The following PCDHGA4 variants were observed in gnomAD, a reference collection of about 807,000 sequenced individuals.
PCDHGA4 encodes protocadherin gamma subfamily A, 4, also known as protocadherin gamma-A4.
PCDHGA4 carries 38 observed loss-of-function variants against 54.6 expected under a neutral mutation model. The observed-to-expected ratio is 0.70, with a 90% CI of 0.54 to 0.91. The LOEUF is 0.91. PCDHGA4 is among the 40% of genes least tolerant of loss of function. The pLI is 0.00. For synonymous variants in PCDHGA4, 511 were observed against 512.9 expected, an observed-to-expected ratio of 1.00 and a Z score of 0.05; for missense variants, 1,298 against 1,220.9, an observed-to-expected ratio of 1.06 and a Z score of -0.94.
intron 1 of PCDHGA4, among the ~76,000 whole-genome samples, chr5:141,461,415 T>C (rs2099015091): frequency 6.6e-6 from 1 of 152,152 alleles, no homozygotes; most frequent in Non-Finnish European, 1.5e-5. Flanking sequence ...TTTCATATGT[T>C]TGTGGGCCAT....
chr5:141,474,486 C>G (rs531956129), intron 1 of PCDHGA4, among the ~76,000 whole-genome samples: 11 of 152,326 alleles, frequency 7.2e-5, no homozygotes, highest in African/African-American at 2.4e-4. Context: ...TAAATGTATT[C>G]TATCTTCTAA....
chr5:141,369,897 C>G (rs988616109), intron 1 of PCDHGA4, among the ~76,000 whole-genome samples: 1 of 152,098 alleles, frequency 6.6e-6, no homozygotes, highest in Non-Finnish European at 1.5e-5. Context: ...ATTATTATGA[C>G]CATTTTATGA....
chr5:141,384,922 C>A (rs760972840), intron 1 of PCDHGA4: 1 of 1,614,018 alleles, frequency 6.2e-7, no homozygotes, highest in African/African-American at 1.3e-5. Context: ...CTTGGCCGAC[C>A]TGGGCAGCCT....
intron 1 of PCDHGA4, among the ~76,000 whole-genome samples, chr5:141,464,286 A>AT (rs1453289283): frequency 6.6e-6 from 1 of 151,420 alleles, no homozygotes; most frequent in African/African-American, 2.4e-5. Flanking sequence ...AAGCAAAAAA[A>AT]AAAACTCCAT....
chr5:141,399,755 G>C (rs1420211451), intron 1 of PCDHGA4: 1 of 1,613,232 alleles, frequency 6.2e-7, no homozygotes, highest in Non-Finnish European at 8.5e-7. Context: ...GCAAACGTGA[G>C]CCTGCGCGTG....
rs954388230 is a variant in PCDHGA4 at position 141,356,550 on chromosome 5, C to G, written c.1443C>G (p.Pro481=). Residue 481 remains proline (P), a synonymous_variant, in exon 1 of 4, where the codon CCC becomes CCG. Coordinates refer to ENST00000571252, the MANE Select transcript of PCDHGA4 (RefSeq NM_018917.4). ...TGATGGACATCAATGACAACCCACC[C>G]ACTTTCCCTCATGCTTCCTACTCTG... is the stretch of plus-strand genomic sequence containing the variant. ...LQVMDINDNP[P]TFPHASYSAY... The G allele has an allele frequency of 5.6e-6, 9 of 1,614,054 alleles. No individual in the cohort carries two copies. The highest frequency in any genetic ancestry group is 7.6e-6 in the Non-Finnish European group (9 of 1,180,026).
intron 1 of PCDHGA4, among the ~76,000 whole-genome samples, chr5:141,429,706 T>G (rs191069331): frequency 7.6e-4 from 116 of 152,354 alleles, no homozygotes; most frequent in African/African-American, 2.5e-3. Flanking sequence ...ACAGTATAAA[T>G]ATTTACGCTC....
At chr5:141,422,126 GAGA>G (rs767100115) in intron 1 of PCDHGA4, 2 of 1,601,210 alleles carry the variant, frequency 1.2e-6, no homozygotes, top group South Asian at 2.3e-5. Context: ...TCACAAACTG[GAGA>G]AGTTCAAGTA....
chr5:141,366,445 G>C (rs368468540), intron 1 of PCDHGA4: 10 of 1,614,084 alleles, frequency 6.2e-6, no homozygotes, highest in Non-Finnish European at 8.5e-6. Flanking sequence ...GCGTCTTCCT[G>C]GCCTTCGTCA....
Position 141,431,349 on chromosome 5 carries a change from A to G in PCDHGA4, c.2515-63458A>G. 1.2e-6 allele frequency: 2 copies of G among 1,614,026 alleles called. No individual in the cohort carries two copies. The highest frequency in any genetic ancestry group is 4.5e-5 in the East Asian group (2 of 44,874). On this transcript the variant is annotated intron_variant, in intron 1 of 3. Coordinates refer to ENST00000571252, the MANE Select transcript of PCDHGA4 (RefSeq NM_018917.4). This position sits in a 1 kb window ranked among gnomAD's most constrained non-coding sequence, Gnocchi z 4.8. ...AGTAAGTACCCCGAATTGGTGCTGAAACGCGCCCTGGACCGCGAAGAAAAG... is the reference window on the plus strand; with the variant it reads ...AGTAAGTACCCCGAATTGGTGCTGAGACGCGCCCTGGACCGCGAAGAAAAG...
chr5:141,389,070 T>C, intron 1 of PCDHGA4: 1 of 1,613,964 alleles, frequency 6.2e-7, no homozygotes, highest in South Asian at 1.1e-5. Flanking sequence ...ATTAACTTCT[T>C]CAAGAAACAC....
At chr5:141,383,961 C>T (rs768963435) in intron 1 of PCDHGA4, 31 of 1,613,238 alleles carry the variant, frequency 1.9e-5, no homozygotes, top group Non-Finnish European at 2.6e-5. Context: ...CTTTAAGTAG[C>T]TCAATCCCTG....
intron 1 of PCDHGA4, among the ~76,000 whole-genome samples, chr5:141,468,000 C>G (rs1429450909): frequency 6.6e-6 from 1 of 152,028 alleles, no homozygotes; most frequent in East Asian, 1.9e-4. Flanking sequence ...ATTCTTTCTT[C>G]CTCTGTTATA....
At chr5:141,403,708 T>C (rs1265644591) in intron 1 of PCDHGA4, 2 of 1,613,906 alleles carry the variant, frequency 1.2e-6, no homozygotes, top group South Asian at 1.1e-5. Flanking sequence ...TTAAAGTCCT[T>C]GAGAACGTGC....
At chr5:141,366,663 C>A in intron 1 of PCDHGA4, 2 of 1,614,242 alleles carry the variant, frequency 1.2e-6, no homozygotes, top group East Asian at 2.2e-5. Context: ...TACGCAGACA[C>A]GCTCCTTAGT....
At chr5:141,389,254 T>C (rs1589085552) in intron 1 of PCDHGA4, 1 of 1,614,012 alleles carries the variant, frequency 6.2e-7, no homozygotes. Flanking sequence ...TCCTATATAG[T>C]CCACGTGGCC....
rs753994650 is a variant in PCDHGA4 at position 141,362,173 on chromosome 5, G to A, written c.2514+4552G>A. ...ATTGCCAGACCTCAGCGACCGCCGG[G>A]AGCCCTCTGACCCCCAGGCAAAACT... On this transcript the variant is annotated intron_variant, in intron 1 of 3. Transcript: ENST00000571252. 8.7e-6 allele frequency: 14 copies of A among 1,614,042 alleles called. No individual in the cohort carries two copies. In the South Asian group the frequency reaches 1.4e-4, roughly 16 times the overall value.
At chr5:141,473,228 A>T (rs549587219) in intron 1 of PCDHGA4, among the ~76,000 whole-genome samples, 1 of 152,296 alleles carries the variant, frequency 6.6e-6, no homozygotes, top group African/African-American at 2.4e-5. Context: ...GGGAGATTGG[A>T]TCCACACAAG....
chr5:141,448,118 G>A (rs1356488538), intron 1 of PCDHGA4, among the ~76,000 whole-genome samples: 1 of 151,534 alleles, frequency 6.6e-6, no homozygotes, highest in East Asian at 1.9e-4. Flanking sequence ...AAGAAAATTA[G>A]CCTCCCCCAC....
Sources: gnomAD v4.1 joint callset for allele counts (sites outside exome capture counted in the v4.1 genomes callset) on GRCh38, gnomAD v4.1.1 for gene constraint, Gnocchi (gnomAD v3.1) non-coding constraint, MANE v1.5 for transcripts, NCBI Gene and HGNC (gene_info 2026-07-23, HGNC 2026-07-21) for gene names.